Variants in RGS7 observed in about 807,000 individuals in gnomAD.
The protein encoded by RGS7 is regulator of G-protein signaling 7.
In RGS7, 27 loss-of-function variants were observed where a neutral mutation model predicts 81.1. The ratio of observed to expected loss-of-function variants is 0.33; its 90% CI spans 0.25 to 0.46. The LOEUF is 0.46. Ranked by LOEUF, RGS7 falls within the 20% of genes least tolerant of loss-of-function variation. The pLI, the probability that RGS7 is intolerant of heterozygous loss-of-function variation, is 1.00. For synonymous variants in RGS7, 208 were observed against 207.7 expected (o/e 1.00, Z -0.01); for missense variants, 396 against 607.4 (o/e 0.65, Z 3.66).
chr1:240,858,689 A>G (rs545994825), intron 9 of RGS7, among the ~76,000 whole-genome samples: 2 of 152,350 alleles, frequency 1.3e-5, no homozygotes, highest in African/African-American at 4.8e-5. Context: ...CATCTTTTAT[A>G]GAGTAAAAGA....
chr1:240,986,268 G>A (rs1380892745), intron 3 of RGS7, among the ~76,000 whole-genome samples: 1 of 152,092 alleles, frequency 6.6e-6, no homozygotes, highest in African/African-American at 2.4e-5. Context: ...CAAACAAGCA[G>A]AATTCTTCCT....
Position 241,147,780 on chromosome 1 carries a change from T to TTATATATATATATATA in RGS7, c.79-49034_79-49019dup, listed in dbSNP as rs200770896. Among the ~76,000 whole-genome samples the TTATATATATATATATA allele has an allele frequency of 7.7e-3, 342 of 44,556 alleles. 38 individuals are homozygous for TTATATATATATATATA. The highest frequency in any genetic ancestry group is 0.023 in the Middle Eastern group (1 of 44). 29.2% of individuals were successfully genotyped at this position (44,556 alleles called of 152,430 possible). A position where few individuals can be genotyped will look rare whatever the true frequency, so the allele number is the denominator to read the frequency against. Reference sequence around the variant, plus strand: ...TTAAATATCCCATCTAGATTAAGTTTTATATATATATATATATATATATAT... The same window carrying TTATATATATATATATA: ...TTAAATATCCCATCTAGATTAAGTTTTATATATATATATATATATATATATATATATATATATATAT... On this transcript the variant is annotated intron_variant, in intron 2 of 18. Transcript: ENST00000440928.
chr1:240,934,344 G>T (rs1676229065), intron 5 of RGS7, among the ~76,000 whole-genome samples: 1 of 152,166 alleles, frequency 6.6e-6, no homozygotes, highest in South Asian at 2.1e-4. Flanking sequence ...TTTAATTTAT[G>T]ATTTTAAAAT....
At chr1:241,145,515 C>T (rs574128462) in intron 2 of RGS7, among the ~76,000 whole-genome samples, 13 of 152,256 alleles carry the variant, frequency 8.5e-5, no homozygotes, top group African/African-American at 2.4e-4. Flanking sequence ...ATGGGCCAGA[C>T]GTGATGGTTC....
chr1:240,794,869 A>G (rs1414431596), intron 18 of RGS7, among the ~76,000 whole-genome samples: 1 of 152,162 alleles, frequency 6.6e-6, no homozygotes, highest in Non-Finnish European at 1.5e-5. Context: ...GAAATCTCAC[A>G]CTAGATTTTA....
At chr1:241,223,089 G>C (rs955921153) in intron 2 of RGS7, among the ~76,000 whole-genome samples, 5 of 152,098 alleles carry the variant, frequency 3.3e-5, no homozygotes, top group Admixed American at 1.3e-4. Context: ...ATAACATATA[G>C]TTTCCCAAGC....
In RGS7 at chr1:241,005,511, A is replaced by AC. The variant is rs564538786; in HGVS notation, c.176-22383dup. ...TATGAAATGAAATCTCACACTATGC[A>AC]CTTGCTAGCGTCTGGCTTCTTTTTA... On this transcript the variant is annotated intron_variant, in intron 3 of 18. Coordinates refer to ENST00000440928, the MANE Select transcript of RGS7 (RefSeq NM_001364886.1). 2.0e-3 allele frequency among the ~76,000 whole-genome samples: 298 copies of AC among 152,010 alleles called. 2 individuals carry two copies. The highest frequency in any genetic ancestry group is 6.9e-3 in the African/African-American group (288 of 41,470).
At chr1:241,050,880 A>G (rs1245736935) in intron 3 of RGS7, among the ~76,000 whole-genome samples, 5 of 152,190 alleles carry the variant, frequency 3.3e-5, no homozygotes, top group African/African-American at 1.2e-4. Flanking sequence ...ATACGTGTCA[A>G]TCAAATGTTT....
intron 3 of RGS7, among the ~76,000 whole-genome samples, chr1:240,994,559 G>GT (rs1424626899): frequency 6.6e-6 from 1 of 151,942 alleles, no homozygotes; most frequent in Non-Finnish European, 1.5e-5. Context: ...GTTCTAGAAG[G>GT]TTTTTTTGCA....
At chr1:241,068,667 T>C (rs1016032373) in intron 3 of RGS7, among the ~76,000 whole-genome samples, 2 of 152,020 alleles carry the variant, frequency 1.3e-5, no homozygotes, top group African/African-American at 4.8e-5. Context: ...CGAGACAGAC[T>C]TGGAAATGGA....
At chr1:240,829,481 A>C (rs1693432434) in intron 9 of RGS7, among the ~76,000 whole-genome samples, 1 of 152,162 alleles carries the variant, frequency 6.6e-6, no homozygotes. Flanking sequence ...ACAACCACTG[A>C]TGTAGGTGTA....
intron 2 of RGS7, among the ~76,000 whole-genome samples, chr1:241,181,696 G>A (rs183385750): frequency 6.6e-6 from 1 of 152,162 alleles, no homozygotes; most frequent in Admixed American, 6.5e-5. Flanking sequence ...GCAAATAATG[G>A]TCTCTTTGTT....
chr1:241,099,293 G>C (rs1280138254), intron 2 of RGS7, among the ~76,000 whole-genome samples: 2 of 152,098 alleles, frequency 1.3e-5, no homozygotes, highest in Non-Finnish European at 2.9e-5. Flanking sequence ...ACTTACTGAA[G>C]TGTGTTATGA....
chr1:240,780,371 G>A (rs1683774411), intron 18 of RGS7, among the ~76,000 whole-genome samples: 1 of 149,534 alleles, frequency 6.7e-6, no homozygotes. Flanking sequence ...AATCTGGGAG[G>A]CGGAGGTTGC....
In RGS7 at chr1:241,241,801, T is replaced by C. The variant is rs527399608; in HGVS notation, c.78+113898A>G. 7.9e-5 allele frequency among the ~76,000 whole-genome samples: 12 copies of C among 152,314 alleles called. No individual in the cohort carries two copies. In the East Asian group the frequency reaches 2.3e-3, roughly 29 times the overall value. On this transcript the variant is annotated intron_variant, in intron 2 of 18. Coordinates refer to ENST00000440928, the MANE Select transcript of RGS7 (RefSeq NM_001364886.1). ...CATGTTTCTATGAGGCCTTTTCTTT[T>C]ACATGATTACCATTTAAGAAGCAGC...
intron 2 of RGS7, among the ~76,000 whole-genome samples, chr1:241,138,272 C>T (rs1214430855): frequency 6.6e-6 from 1 of 151,228 alleles, no homozygotes; most frequent in African/African-American, 2.4e-5. Context: ...AGTTATAACA[C>T]AGGTAAGTGA....
intron 4 of RGS7, among the ~76,000 whole-genome samples, chr1:240,954,254 A>G (rs532786888): frequency 6.6e-6 from 1 of 152,242 alleles, no homozygotes; most frequent in East Asian, 1.9e-4. Context: ...AGCTAATTGT[A>G]AAGCCAGCAT....
intron 2 of RGS7, among the ~76,000 whole-genome samples, chr1:241,168,001 G>T (rs145507170): frequency 7.9e-4 from 121 of 152,276 alleles, no homozygotes; most frequent in African/African-American, 2.8e-3. Context: ...TGAAAAAAAT[G>T]AAAACTGTTT....
chr1:240,862,210 T>A (rs781650297), intron 9 of RGS7, among the ~76,000 whole-genome samples: 1 of 152,158 alleles, frequency 6.6e-6, no homozygotes, highest in Admixed American at 6.5e-5. Context: ...TATAGAGATA[T>A]TAAGTACTAG....
Sources: gnomAD v4.1 joint callset for allele counts (sites outside exome capture counted in the v4.1 genomes callset) on GRCh38, gnomAD v4.1.1 for gene constraint, MANE v1.5 for transcripts, NCBI Gene and HGNC (gene_info 2026-07-23, HGNC 2026-07-21) for gene names.